Variants in TBCD observed in about 807,000 individuals in gnomAD.
TBCD encodes tubulin-specific chaperone D.
TBCD carries 105 observed loss-of-function variants against 169.3 expected under a neutral mutation model. That is an observed-to-expected ratio of 0.62 (90% CI 0.53 to 0.73). The LOEUF (loss-of-function observed/expected upper bound fraction) is 0.73, where lower values mean the gene tolerates loss of function less well. TBCD is among the 30% of genes least tolerant of loss of function. The pLI is 0.00. For synonymous variants in TBCD, 700 were observed against 643.9 expected, an observed-to-expected ratio of 1.09 and a Z score of -1.32; for missense variants, 1,444 against 1,600.1, an observed-to-expected ratio of 0.90 and a Z score of 1.66.
chr17:82,859,632 T>G lies in TBCD; in HGVS notation c.1319-10592T>G, dbSNP rs966515462. 6.1e-6 allele frequency: 6 copies of G among 984,830 alleles called. No homozygotes were observed. The African/African-American group carries it at 7.0e-5, about 12-fold the overall frequency. The allele number at this position is 984,830 out of a possible 1,614,324, so 61.0% of individuals were successfully genotyped here. On this transcript the variant is annotated intron_variant, in intron 13 of 38. Transcript: ENST00000355528. ...TGAGCCCTGTAGTGAGGACAAAGAG[T>G]GGAGGTTGGAGTTCAGAATTGTGGA...
intron 13 of TBCD, among the ~76,000 whole-genome samples, chr17:82,846,408 CGCTGCTCTCTTTGGGA>C (rs2055124823): frequency 6.6e-6 from 1 of 152,178 alleles, no homozygotes; most frequent in East Asian, 1.9e-4. Context: ...CTCTGCTGCC[CGCTGCTCTCTTTGGGA>C]CTTCCATTGT....
At chr17:82,911,647 A>C in intron 22 of TBCD, 111 bp from the exon 23 acceptor site, 2 of 1,060,100 alleles carry the variant, frequency 1.9e-6, no homozygotes, top group Non-Finnish European at 2.9e-6. Flanking sequence ...ACATTCAACT[A>C]GTTCTCATTT....
At chr17:82,860,712 G>C (rs1356882592) in intron 13 of TBCD, among the ~76,000 whole-genome samples, 1 of 152,186 alleles carries the variant, frequency 6.6e-6, no homozygotes, top group Non-Finnish European at 1.5e-5. Flanking sequence ...GGCACCATGG[G>C]TCTCCCTGGA....
intron 29 of TBCD, 68 bp downstream of exon 29, chr17:82,927,391 C>T (rs1235971202): frequency 1.3e-6 from 2 of 1,541,028 alleles, no homozygotes; most frequent in African/African-American, 1.4e-5. Context: ...ACTCGGAGGC[C>T]CCGGGCTTTT....
chr17:82,854,233 C>T (rs1222790194), intron 13 of TBCD, among the ~76,000 whole-genome samples: 1 of 152,224 alleles, frequency 6.6e-6, no homozygotes, highest in African/African-American at 2.4e-5. Flanking sequence ...TGAGTTGACA[C>T]TCTGCAGGTG....
intron 9 of TBCD, among the ~76,000 whole-genome samples, chr17:82,805,548 G>A (rs2050899038): frequency 6.6e-6 from 1 of 152,184 alleles, no homozygotes; most frequent in Admixed American, 6.5e-5. Flanking sequence ...GGGTCCCGAA[G>A]GCCGGGTGCT....
chr17:82,768,543 G>A lies in TBCD; in HGVS notation c.559G>A (p.Asp187Asn). 7 of 1,613,974 alleles carry A rather than the reference G, an allele frequency of 4.3e-6. No homozygotes were observed. The highest frequency in any genetic ancestry group is 5.9e-6 in the Non-Finnish European group (7 of 1,179,890). ...TGGGCAAGCACGAATGTCCATAATG[G>A]ACCGTATTCTCCAAATAGCAGAGGT... The part of the protein sequence containing the change: ...QPGQARMSIM[D>N]RILQIAESYL... The change falls in exon 5 of 39, where the codon GAC becomes AAC. Residue 187 changes from aspartate to asparagine, a missense_variant. Asp to Asn is a conservative substitution (Grantham distance 23). Transcript: ENST00000355528.
chr17:82,862,390 A>G (rs1346062879), intron 13 of TBCD, among the ~76,000 whole-genome samples: 1 of 151,282 alleles, frequency 6.6e-6, no homozygotes, highest in South Asian at 2.1e-4. Flanking sequence ...CGGAGGGAGA[A>G]GCCTCTCGGT....
rs1348366650 is a variant in TBCD, at chr17:82,752,248, G to A, written c.55G>A (p.Glu19Lys). ...CGGCCCCGAGGAGGAGGCGGAGGAC[G>A]AGACACTGGCCTTTGGCGCGGCGCT... ...AGGPEEEAED[E>K]TLAFGAALEA... Residue 19 changes from glutamate to lysine, a missense_variant, in exon 1 of 39, where the codon GAG (glutamate) becomes AAG (lysine). Physicochemically the swap from Glu to Lys is moderately conservative, Grantham distance 56. Coordinates refer to ENST00000355528, the MANE Select transcript of TBCD (RefSeq NM_005993.5). 2.6e-6 allele frequency: 4 copies of A among 1,525,738 alleles called. No individual in the cohort carries two copies. Among genetic ancestry groups the A allele is most frequent in the African/African-American group, 1.4e-5 (1 of 69,902 alleles). The allele number at this position is 1,525,738 out of a possible 1,614,324, so 94.5% of individuals were successfully genotyped here.
rs777214905 is a variant in TBCD, at chr17:82,831,466, G to A, written c.1318+16532G>A. The A allele has an allele frequency of 4.3e-6, 7 of 1,614,092 alleles. No individual in the cohort carries two copies. The highest frequency in any genetic ancestry group is 5.9e-6 in the Non-Finnish European group (7 of 1,180,042). On this transcript the variant is annotated intron_variant, in intron 13 of 38. Coordinates refer to ENST00000355528, the MANE Select transcript of TBCD (RefSeq NM_005993.5). The surrounding 1 kb of genome is among the most constrained non-coding windows in gnomAD (Gnocchi z 4.6). ...GACAGGTGGGAGTCTGAGACCATAG[G>A]AGGAAAATGCAGACTCTGGCCTGTA... is the stretch of plus-strand genomic sequence containing the variant.
In TBCD at chr17:82,900,206, C is replaced by A. The variant is rs144488073; in HGVS notation, c.1650-445C>A. On this transcript the variant is annotated intron_variant, in intron 17 of 38. Coordinates refer to ENST00000355528, the MANE Select transcript of TBCD (RefSeq NM_005993.5). ...TGTAATTCCCGCCTCGGTCCTCCCC[C>A]ACCCTGAGGCCCCTGATCTGCCTCT... Among the ~76,000 whole-genome samples, 496 of 152,340 alleles carry A rather than the reference C, an allele frequency of 3.3e-3. 1 individual carries two copies. The highest frequency in any genetic ancestry group is 0.012 in the African/African-American group (484 of 41,566).
chr17:82,880,137 GTCCTTCCTTCT>G lies in TBCD; in HGVS notation c.1476-3999_1476-3989del, dbSNP rs1004949288. ...GTCCTTTCTTCTGCCTCCTGTGTCT[GTCCTTCCTTCT>G]TCCTTCCTGTATGTATTTATCTCCT... is the stretch of plus-strand genomic sequence containing the variant. On this transcript the variant is annotated intron_variant, in intron 14 of 38. Coordinates refer to ENST00000355528, the MANE Select transcript of TBCD (RefSeq NM_005993.5). This position sits in a 1 kb window ranked among gnomAD's most constrained non-coding sequence, Gnocchi z 5.0. Among the ~76,000 whole-genome samples, 2 of 152,112 alleles carry G rather than the reference GTCCTTCCTTCT, an allele frequency of 1.3e-5. No homozygotes were observed. Among genetic ancestry groups the G allele is most frequent in the Non-Finnish European group, 2.9e-5 (2 of 68,016 alleles).
At chr17:82,776,851 C>A (rs1299985622) in intron 6 of TBCD, among the ~76,000 whole-genome samples, 2 of 152,084 alleles carry the variant, frequency 1.3e-5, no homozygotes, top group East Asian at 3.9e-4. Flanking sequence ...GAACACCCCA[C>A]CCCCAAATTG....
intron 8 of TBCD, among the ~76,000 whole-genome samples, chr17:82,799,999 G>A (rs1185160839): frequency 6.6e-6 from 1 of 152,142 alleles, no homozygotes; most frequent in Admixed American, 6.5e-5. Context: ...TTCCTGCAGG[G>A]CACTGCAGCT....
intron 34 of TBCD, 172 bp downstream of exon 34, chr17:82,932,907 C>A: frequency 1.6e-6 from 1 of 635,400 alleles, no homozygotes. Context: ...CTCAAAATAA[C>A]GCAATAATAA....
At chr17:82,775,894 T>TA (rs960458798) in intron 6 of TBCD, among the ~76,000 whole-genome samples, 3 of 151,616 alleles carry the variant, frequency 2.0e-5, no homozygotes, top group Admixed American at 6.6e-5. Flanking sequence ...AGTATAATAA[T>TA]AAAAAAATTA....
intron 4 of TBCD, among the ~76,000 whole-genome samples, chr17:82,767,716 G>T (rs2048085403): frequency 6.6e-6 from 1 of 152,098 alleles, no homozygotes; most frequent in African/African-American, 2.4e-5. Context: ...CAGCAGTTTG[G>T]GAGGCCAAGG....
intron 13 of TBCD, among the ~76,000 whole-genome samples, chr17:82,868,567 A>G (rs2057347649): frequency 6.6e-6 from 1 of 152,212 alleles, no homozygotes; most frequent in Non-Finnish European, 1.5e-5. Flanking sequence ...AAACGTAATA[A>G]TCTTATTAAA....
At chr17:82,888,673 C>T (rs770104056) in intron 15 of TBCD, among the ~76,000 whole-genome samples, 2 of 152,140 alleles carry the variant, frequency 1.3e-5, no homozygotes, top group African/African-American at 4.8e-5. Flanking sequence ...AGGTGGTGGG[C>T]GCGTCTGCTC....
Sources: gnomAD v4.1 joint callset for allele counts (sites outside exome capture counted in the v4.1 genomes callset) on GRCh38, gnomAD v4.1.1 for gene constraint, Gnocchi (gnomAD v3.1) non-coding constraint, MANE v1.5 for transcripts, NCBI Gene and HGNC (gene_info 2026-07-23, HGNC 2026-07-21) for gene names.